Variants in ZNF26 observed in about 807,000 individuals in gnomAD.
ZNF26 encodes the protein zinc finger protein 26, also known as epididymis luminal protein 179.
A neutral mutation model predicts 54.9 loss-of-function variants in ZNF26; 32 were observed. That is an observed-to-expected ratio of 0.58 (90% CI 0.44 to 0.78). The LOEUF is 0.78. ZNF26 is among the 30% of genes least tolerant of loss of function. The pLI is 0.00. For missense variants in ZNF26, 524 were observed against 634.0 expected (o/e 0.83, Z 1.86); for synonymous variants, 221 against 209.2 (o/e 1.06, Z -0.49).
intron 3 of ZNF26, among the ~76,000 whole-genome samples, chr12:133,008,679 G>T (rs1953391422): frequency 6.6e-6 from 1 of 151,440 alleles, no homozygotes; most frequent in African/African-American, 2.4e-5. Context: ...AGGAGGCTGA[G>T]GCAGGAGAAT....
At chr12:132,994,501 C>T (rs1385615503) in intron 1 of ZNF26, among the ~76,000 whole-genome samples, 1 of 152,200 alleles carries the variant, frequency 6.6e-6, no homozygotes, top group African/African-American at 2.4e-5. Flanking sequence ...ACCCACCCAT[C>T]CCAATCCCCT....
chr12:133,010,661 G>A lies in ZNF26; in HGVS notation c.782G>A (p.Ser261Asn). The change falls in exon 4 of 4, where the codon AGT (serine) becomes AAT (asparagine). Residue 261 changes from serine (S) to asparagine (N), a missense_variant. Coordinates refer to ENST00000328654, the MANE Select transcript of ZNF26 (RefSeq NM_019591.4). ...ACAGGAGGGAAACCCTATGGCTGCA[G>A]TGAATGTGGGAAAGCCTACAGTTGG... ...IHTGGKPYGC[S>N]ECGKAYSWKS... 6.2e-7 allele frequency: 1 copy of A among 1,614,144 alleles called. No individual in the cohort carries two copies. Among genetic ancestry groups the A allele is most frequent in the African/African-American group, 1.3e-5 (1 of 75,042 alleles).
chr12:133,004,802 G>A (rs1953289127), intron 1 of ZNF26: 1 of 152,156 alleles, frequency 6.6e-6, no homozygotes, highest in Admixed American at 6.5e-5. Context: ...TTTTCCAGGT[G>A]CTAGTATATT....
At chr12:132,989,683 C>T (rs899841112) in intron 1 of ZNF26, among the ~76,000 whole-genome samples, 5 of 152,130 alleles carry the variant, frequency 3.3e-5, no homozygotes, top group Non-Finnish European at 5.9e-5. Context: ...GGACTCAAAA[C>T]GTTTTGAATT....
Position 133,010,282 on chromosome 12 carries a change from T to C in ZNF26, c.403T>C (p.Leu135=), listed in dbSNP as rs1224087250. The part of the protein sequence containing the change: ...QRLYNTRGKS[L]TQNSAPSRSY... ...ACTCTATAACACACGTGGAAAAAGTTTGACACAAAACTCAGCTCCAAGCAG... is the reference window on the plus strand; with the variant it reads ...ACTCTATAACACACGTGGAAAAAGTCTGACACAAAACTCAGCTCCAAGCAG... Residue 135 remains leucine, a synonymous_variant, in exon 4 of 4, where the codon TTG becomes CTG. Transcript: ENST00000328654. 1.2e-6 allele frequency: 2 copies of C among 1,613,970 alleles called. No homozygotes were observed. Among genetic ancestry groups the C allele is most frequent in the Admixed American group, 3.3e-5 (2 of 59,988 alleles).
chr12:132,993,581 G>A (rs1055591630), intron 1 of ZNF26, among the ~76,000 whole-genome samples: 13 of 151,412 alleles, frequency 8.6e-5, no homozygotes, highest in Non-Finnish European at 1.5e-4. Flanking sequence ...TCAGCCTCCC[G>A]AGTAGCTGGG....
At position 132,986,680 on chromosome 12, in the gene ZNF26, G is replaced by A. The variant is rs904243594; in HGVS notation, c.-161G>A. The A allele has an allele frequency of 1.5e-6, 1 of 683,594 alleles. No homozygotes were observed. The highest frequency in any genetic ancestry group is 1.8e-5 in the African/African-American group (1 of 55,684). 42.3% of individuals were successfully genotyped at this position (683,594 alleles called of 1,614,324 possible). Reference sequence around the variant, plus strand: ...GTCACGCGCGGTCTGTGTTGGGCGAGAGCTGAGGAGCCGGCGTCCCTGCCA... The same window carrying A: ...GTCACGCGCGGTCTGTGTTGGGCGAAAGCTGAGGAGCCGGCGTCCCTGCCA... On this transcript the variant is annotated 5_prime_UTR_variant, in exon 1 of 4. Transcript: ENST00000328654.
Position 133,026,165 on chromosome 12 carries a change from G to C in ZNF26, c.*14684G>C, listed in dbSNP as rs1953702341. On this transcript the variant is annotated 3_prime_UTR_variant, in exon 4 of 4. Coordinates refer to ENST00000328654, the MANE Select transcript of ZNF26 (RefSeq NM_019591.4). Reference sequence around the variant, plus strand: ...TTCCCAGGCTGGAGTGCAGTGGCACGATCCTGGCTCACTGCAGCCTCCTCC... The same window carrying C: ...TTCCCAGGCTGGAGTGCAGTGGCACCATCCTGGCTCACTGCAGCCTCCTCC... 6.7e-6 allele frequency: 1 copy of C among 148,370 alleles called. No individual in the cohort carries two copies. The highest frequency in any genetic ancestry group is 2.2e-4 in the South Asian group (1 of 4,624). 9.2% of individuals were successfully genotyped at this position (148,370 alleles called of 1,614,324 possible). A position where few individuals can be genotyped will look rare whatever the true frequency, so the allele number is the denominator to read the frequency against.
rs1303898721 is a variant in ZNF26 at position 133,013,824 on chromosome 12, G to A, written c.*2343G>A. On this transcript the variant is annotated 3_prime_UTR_variant, in exon 4 of 4. Transcript: ENST00000328654. ...AAACTCTTCTGATAGACTTTGCACTGCAGATGCTTCATTTAAGGCTATAGA... is the reference window on the plus strand; with the variant it reads ...AAACTCTTCTGATAGACTTTGCACTACAGATGCTTCATTTAAGGCTATAGA... 1 of 155,962 alleles carries A rather than the reference G, an allele frequency of 6.4e-6. No individual in the cohort carries two copies. Among genetic ancestry groups the A allele is most frequent in the Non-Finnish European group, 1.4e-5 (1 of 69,696 alleles). 9.7% of individuals were successfully genotyped at this position (155,962 alleles called of 1,614,324 possible).
chr12:133,001,829 A>G lies in ZNF26; in HGVS notation c.34-5213A>G, dbSNP rs1953225673. The G allele has an allele frequency of 1.8e-6, 1 of 549,936 alleles. No homozygotes were observed. The highest frequency in any genetic ancestry group is 1.6e-5 in the South Asian group (1 of 60,834). The allele number at this position is 549,936 out of a possible 1,614,324, so 34.1% of individuals were successfully genotyped here. ...GTCCCGCGGCAGTCTTTGCCTTCAG[A>G]ATTTTTCAGAGGAAAGCAGTTATTC... On this transcript the variant is annotated intron_variant, in intron 1 of 3. Transcript: ENST00000328654. The surrounding 1 kb of genome is among the most constrained non-coding windows in gnomAD (Gnocchi z 4.7).
chr12:133,004,893 C>G (rs1345231841), intron 1 of ZNF26: 1 of 152,144 alleles, frequency 6.6e-6, no homozygotes, highest in Admixed American at 6.5e-5. Context: ...TATTTTTTCT[C>G]AGTACTTTAT....
chr12:133,018,951 G>C lies in ZNF26; in HGVS notation c.*7470G>C, dbSNP rs1405668795. 1 of 151,764 alleles carries C rather than the reference G, an allele frequency of 6.6e-6. No individual in the cohort carries two copies. The highest frequency in any genetic ancestry group is 2.4e-5 in the African/African-American group (1 of 41,324). The allele number at this position is 151,764 out of a possible 1,614,324, so 9.4% of individuals were successfully genotyped here. Reference sequence around the variant, plus strand: ...TCAAAAGACACAGATTGTCAAAGTGGTGATAAAAAAAAATCCAACCATGTA... The same window carrying C: ...TCAAAAGACACAGATTGTCAAAGTGCTGATAAAAAAAAATCCAACCATGTA... On this transcript the variant is annotated 3_prime_UTR_variant, in exon 4 of 4. Coordinates refer to ENST00000328654, the MANE Select transcript of ZNF26 (RefSeq NM_019591.4).
chr12:132,989,170 G>A (rs1405425773), intron 1 of ZNF26, among the ~76,000 whole-genome samples: 1 of 150,932 alleles, frequency 6.6e-6, no homozygotes, highest in African/African-American at 2.4e-5. Flanking sequence ...CTGAGTAGCT[G>A]GTACTACAGG....
At chr12:132,998,179 C>G (rs1029023832) in intron 1 of ZNF26, among the ~76,000 whole-genome samples, 1 of 110,034 alleles carries the variant, frequency 9.1e-6, no homozygotes, top group East Asian at 2.8e-4. Context: ...TTTCTTTTTT[C>G]TTTTTGAGAC....
At chr12:133,006,418 C>A in intron 1 of ZNF26, 1 of 475,752 alleles carries the variant, frequency 2.1e-6, no homozygotes, top group Non-Finnish European at 2.7e-6. Flanking sequence ...CAAAATGTAC[C>A]CTGGATGTTT....
Position 133,021,487 on chromosome 12 carries a change from C to T in ZNF26, c.*10006C>T, listed in dbSNP as rs1181772989. ...ATTTCAAGAAAAACATTTATTTGGCCGGGCATGGTGGCTCACATCTGTAAT... is the reference window on the plus strand; with the variant it reads ...ATTTCAAGAAAAACATTTATTTGGCTGGGCATGGTGGCTCACATCTGTAAT... On this transcript the variant is annotated 3_prime_UTR_variant, in exon 4 of 4. Transcript: ENST00000328654. The T allele has an allele frequency of 5.3e-5, 8 of 149,632 alleles. No homozygotes were observed. The highest frequency in any genetic ancestry group is 1.2e-4 in the African/African-American group (5 of 40,872). 9.3% of individuals were successfully genotyped at this position (149,632 alleles called of 1,614,324 possible).
chr12:133,000,615 AG>A (rs1168768061), intron 1 of ZNF26, among the ~76,000 whole-genome samples: 1 of 151,896 alleles, frequency 6.6e-6, no homozygotes, highest in African/African-American at 2.4e-5. Flanking sequence ...CTGTAGAGAC[AG>A]GGTTTCACCA....
Position 133,017,965 on chromosome 12 carries a change from C to G in ZNF26, c.*6484C>G, listed in dbSNP as rs988054319. ...CAGAGGTTGCAGTGAGCCGAGATCA[C>G]GCCACCGCACTTCAGCCTGGGCAAC... On this transcript the variant is annotated 3_prime_UTR_variant, in exon 4 of 4. Transcript: ENST00000328654. 6.6e-6 allele frequency: 1 copy of G among 152,204 alleles called. No individual in the cohort carries two copies. The allele number at this position is 152,204 out of a possible 1,614,324, so 9.4% of individuals were successfully genotyped here.
In ZNF26 at chr12:132,986,950, G is replaced by A. The variant is rs889274847; in HGVS notation, c.33+77G>A. 3.4e-4 allele frequency: 506 copies of A among 1,476,420 alleles called. 2 individuals are homozygous for A. In the African/African-American group the frequency reaches 6.4e-3, roughly 19 times the overall value. The allele number at this position is 1,476,420 out of a possible 1,614,324, so 91.5% of individuals were successfully genotyped here. On this transcript the variant is annotated intron_variant, in intron 1 of 3. Transcript: ENST00000328654. Reference sequence around the variant, plus strand: ...ACGTTAATCTCTTCAGGGTTACTCCGGGAACTGAACTCACATTCAGCTGTA... The same window carrying A: ...ACGTTAATCTCTTCAGGGTTACTCCAGGAACTGAACTCACATTCAGCTGTA...
Sources: gnomAD v4.1 joint callset for allele counts (sites outside exome capture counted in the v4.1 genomes callset) on GRCh38, gnomAD v4.1.1 for gene constraint, Gnocchi (gnomAD v3.1) non-coding constraint, MANE v1.5 for transcripts, NCBI Gene and HGNC (gene_info 2026-07-23, HGNC 2026-07-21) for gene names.